MDM2: variants seen among roughly 807,000 people sequenced by gnomAD.
MDM2 encodes the protein MDM2 proto-oncogene, also known as E3 ubiquitin-protein ligase Mdm2.
Under a neutral mutation model 64.3 loss-of-function variants are expected in MDM2, and 11 were observed. The ratio of observed to expected loss-of-function variants is 0.17; its 90% confidence interval spans 0.11 to 0.28. The LOEUF is 0.28. MDM2 is among the 10% of genes least tolerant of loss of function. The pLI is 1.00. For missense variants in MDM2, 388 were observed against 577.1 expected (o/e 0.67, Z 3.36); for synonymous variants, 194 against 192.9 (o/e 1.01, Z -0.05).
intron 8 of MDM2, among the ~76,000 whole-genome samples, chr12:68,832,661 C>T (rs1267779109): frequency 6.6e-6 from 1 of 151,148 alleles, no homozygotes; most frequent in Non-Finnish European, 1.5e-5. Flanking sequence ...TACAGGTGTG[C>T]ACCACCACAC....
intron 5 of MDM2, among the ~76,000 whole-genome samples, chr12:68,821,143 G>T (rs992923532): frequency 6.7e-6 from 1 of 149,610 alleles, no homozygotes; most frequent in African/African-American, 2.5e-5. Context: ...CGCCTCCCAG[G>T]TTCAAGCAAT....
rs1880547630 is a variant in MDM2, at chr12:68,808,421, C to G, written c.-57C>G. 13 of 1,613,008 alleles carry G rather than the reference C, an allele frequency of 8.1e-6. No individual in the cohort carries two copies. The highest frequency in any genetic ancestry group is 2.2e-5 in the South Asian group (2 of 91,066). ...CAGGGCGTCGTGCTTCCGCGCGCCC[C>G]GTGAAGGAAACTGGGGAGTCTTGAG... On this transcript the variant is annotated 5_prime_UTR_variant, in exon 1 of 11. Coordinates refer to ENST00000258149, the MANE Select transcript of MDM2 (RefSeq NM_002392.6).
At chr12:68,824,330 A>G in intron 5 of MDM2, 33 bp from the exon 6 acceptor site, 2 of 1,514,340 alleles carry the variant, frequency 1.3e-6, no homozygotes, top group Non-Finnish European at 1.8e-6. Flanking sequence ...CCCGCCCACC[A>G]CCAAGTTTCT....
chr12:68,824,077 A>G, intron 5 of MDM2: 1 of 334,150 alleles, frequency 3.0e-6, no homozygotes, highest in Non-Finnish European at 5.4e-6. Context: ...TTTCTCAGAC[A>G]CTCCCTGTCC....
chr12:68,836,865 T>G, intron 10 of MDM2, 116 bp downstream of exon 10: 1 of 664,064 alleles, frequency 1.5e-6, no homozygotes, highest in Non-Finnish European at 2.6e-6. Context: ...AATGTTTTTG[T>G]AAAGTCTGAA....
chr12:68,849,798 A>G (rs1884578247), downstream of MDM2: 1 of 150,614 alleles, frequency 6.6e-6, no homozygotes, highest in African/African-American at 2.5e-5. Flanking sequence ...TTTTCAGTAG[A>G]GATGGGGTTT....
At chr12:68,849,043 A>C (rs1398778360), downstream of MDM2, 2 of 149,978 alleles carry the variant, frequency 1.3e-5, no homozygotes, top group African/African-American at 4.9e-5. Flanking sequence ...ACAAGGTGGG[A>C]GGTGGAAGTA....
chr12:68,817,494 A>G (rs1249089895), intron 4 of MDM2, among the ~76,000 whole-genome samples: 3 of 152,178 alleles, frequency 2.0e-5, no homozygotes, highest in African/African-American at 7.2e-5. Flanking sequence ...TCACACCTGT[A>G]ATCCCAGCAC....
At chr12:68,821,044 CTTTTTTT>C (rs36054804) in intron 5 of MDM2, among the ~76,000 whole-genome samples, 2,259 of 103,776 alleles carry the variant, frequency 0.022, 28 homozygotes, top group South Asian at 0.034. Context: ...ACACAGTTTG[CTTTTTTT>C]TTTTTTTTTT....
intron 8 of MDM2, among the ~76,000 whole-genome samples, chr12:68,835,385 T>A (rs1173114646): frequency 6.6e-6 from 1 of 152,132 alleles, no homozygotes; most frequent in African/African-American, 2.4e-5. Flanking sequence ...CCAAGATTAG[T>A]TGAGGAAGCA....
At chr12:68,820,590 G>A (rs1176784826) in intron 5 of MDM2, among the ~76,000 whole-genome samples, 1 of 152,134 alleles carries the variant, frequency 6.6e-6, no homozygotes, top group East Asian at 1.9e-4. Context: ...GATCAATTTA[G>A]ACTTGGGATA....
intron 2 of MDM2, among the ~76,000 whole-genome samples, chr12:68,810,379 G>A (rs1214502947): frequency 6.6e-6 from 1 of 151,528 alleles, no homozygotes; most frequent in Non-Finnish European, 1.5e-5. Flanking sequence ...TTTACTATTT[G>A]ATTGCTACTG....
chr12:68,830,952 T>A (rs1029751824), intron 8 of MDM2, among the ~76,000 whole-genome samples: 2 of 152,184 alleles, frequency 1.3e-5, no homozygotes, highest in Non-Finnish European at 2.9e-5. Flanking sequence ...CTGCCTGCCT[T>A]GGCCTCCCAA....
chr12:68,835,643 G>C (rs1268985105), intron 8 of MDM2, among the ~76,000 whole-genome samples, 186 bp from the exon 9 acceptor site: 1 of 152,216 alleles, frequency 6.6e-6, no homozygotes, highest in Non-Finnish European at 1.5e-5. Flanking sequence ...CTCCGGGATG[G>C]CTGGCTGGGG....
At chr12:68,836,250 A>T (rs1230097368) in intron 9 of MDM2, among the ~76,000 whole-genome samples, 2 of 152,172 alleles carry the variant, frequency 1.3e-5, no homozygotes, top group Non-Finnish European at 2.9e-5. Context: ...ACTTTTAAAA[A>T]CATATAATTC....
chr12:68,833,280 A>AATATATATTT (rs1170236023), intron 8 of MDM2, among the ~76,000 whole-genome samples: 3 of 63,190 alleles, frequency 4.7e-5, no homozygotes, highest in Non-Finnish European at 1.0e-4. Flanking sequence ...TATTTATATA[A>AATATATATTT]ATATAAATAT....
At chr12:68,831,138 T>G (rs1270147036) in intron 8 of MDM2, among the ~76,000 whole-genome samples, 1 of 152,130 alleles carries the variant, frequency 6.6e-6, no homozygotes, top group Non-Finnish European at 1.5e-5. Flanking sequence ...ACACCAGGTT[T>G]TTTGTTTTGA....
chr12:68,816,264 A>G (rs537208262), intron 3 of MDM2, among the ~76,000 whole-genome samples: 3 of 152,040 alleles, frequency 2.0e-5, no homozygotes, highest in Non-Finnish European at 4.4e-5. Flanking sequence ...GTTAAAGTCT[A>G]CAAGGAAAAA....
intron 2 of MDM2, 84 bp downstream of exon 2, chr12:68,809,376 C>A: frequency 8.3e-7 from 1 of 1,208,314 alleles, no homozygotes. Context: ...TCAATTGTAG[C>A]ATGGCTCTGT....
Sources: gnomAD v4.1 joint callset for allele counts (sites outside exome capture counted in the v4.1 genomes callset) on GRCh38, gnomAD v4.1.1 for gene constraint, MANE v1.5 for transcripts, NCBI Gene and HGNC (gene_info 2026-07-23, HGNC 2026-07-21) for gene names.